The following ADAMTSL1 variants were observed in gnomAD, a reference collection of about 807,000 sequenced individuals.
ADAMTSL1 encodes the protein ADAMTS-like protein 1.
A neutral mutation model predicts 201.8 loss-of-function variants in ADAMTSL1; 126 were observed. The observed-to-expected ratio is 0.62, with a 90% CI of 0.54 to 0.72. The LOEUF (loss-of-function observed/expected upper bound fraction) is 0.72, where lower values mean the gene tolerates loss of function less well. Among genes scored for constraint, ADAMTSL1 ranks in the 30% least tolerant of loss-of-function variants. The pLI is 0.00. For missense variants in ADAMTSL1, 2,679 were observed against 2,277.8 expected (o/e 1.18, Z -3.59); for synonymous variants, 1,121 against 903.4 (o/e 1.24, Z -4.32).
At chr9:18,085,711 G>C (rs943893668) in intron 1 of ADAMTSL1, among the ~76,000 whole-genome samples, 5 of 150,396 alleles carry the variant, frequency 3.3e-5, no homozygotes, top group African/African-American at 1.2e-4. Flanking sequence ...TATATATACT[G>C]TGTGTGTATA....
intron 1 of ADAMTSL1, among the ~76,000 whole-genome samples, chr9:18,104,481 G>T (rs1041753334): frequency 1.3e-5 from 2 of 152,154 alleles, no homozygotes; most frequent in African/African-American, 4.8e-5. Flanking sequence ...GTCACCACCA[G>T]TGCTGCCCAT....
intron 1 of ADAMTSL1, among the ~76,000 whole-genome samples, chr9:18,160,889 A>G (rs1283770625): frequency 7.5e-6 from 1 of 133,658 alleles, no homozygotes; most frequent in African/African-American, 2.8e-5. Context: ...ATGTCTCACT[A>G]TTTGCCCAGG....
chr9:18,788,225 A>G (rs1268044850), intron 19 of ADAMTSL1, among the ~76,000 whole-genome samples: 1 of 152,196 alleles, frequency 6.6e-6, no homozygotes, highest in Non-Finnish European at 1.5e-5. Context: ...CCTCTGGGCT[A>G]CTGTAATTTT....
At chr9:17,950,624 G>T (rs148804971) in intron 1 of ADAMTSL1, among the ~76,000 whole-genome samples, 19 of 151,944 alleles carry the variant, frequency 1.3e-4, no homozygotes, top group African/African-American at 3.4e-4. Flanking sequence ...ATACATAAGA[G>T]AACTGGTTCA....
chr9:18,275,529 T>C (rs1832551968), intron 2 of ADAMTSL1, among the ~76,000 whole-genome samples: 1 of 152,150 alleles, frequency 6.6e-6, no homozygotes, highest in South Asian at 2.1e-4. Context: ...AATCTCACCT[T>C]AGCCCTAGGC....
At chr9:18,073,354 T>C (rs2131740461) in intron 1 of ADAMTSL1, among the ~76,000 whole-genome samples, 1 of 152,324 alleles carries the variant, frequency 6.6e-6, no homozygotes, top group South Asian at 2.1e-4. Flanking sequence ...GCTTTCTACT[T>C]GATCGCATGG....
At chr9:18,153,404 A>G (rs1321415579) in intron 1 of ADAMTSL1, among the ~76,000 whole-genome samples, 1 of 152,080 alleles carries the variant, frequency 6.6e-6, no homozygotes, top group Non-Finnish European at 1.5e-5. Flanking sequence ...AAAATTAATA[A>G]CTGATTTTTT....
At chr9:18,549,031 A>G (rs1317302065) in intron 3 of ADAMTSL1, among the ~76,000 whole-genome samples, 1 of 151,960 alleles carries the variant, frequency 6.6e-6, no homozygotes, top group African/African-American at 2.4e-5. Flanking sequence ...TCCAATATAC[A>G]TCAAATAGGA....
rs1563807518 is a variant in ADAMTSL1, at chr9:18,795,293, G to T, written c.3678-104G>T. ...TGGTTTGTCTCTGTTGTTAAAACAG[G>T]GTTCTGCATACACCCTGAGGTTCCT... On this transcript the variant is annotated intron_variant, in intron 19 of 28. Transcript: ENST00000380548. 4 of 1,445,490 alleles carry T rather than the reference G, an allele frequency of 2.8e-6. No individual in the cohort carries two copies. In the Admixed American group the frequency reaches 8.7e-5, roughly 31 times the overall value. The allele number at this position is 1,445,490 out of a possible 1,614,324, so 89.5% of individuals were successfully genotyped here.
chr9:17,954,399 C>T (rs1345658760), intron 1 of ADAMTSL1, among the ~76,000 whole-genome samples: 2 of 152,126 alleles, frequency 1.3e-5, no homozygotes, highest in Non-Finnish European at 2.9e-5. Flanking sequence ...TTTCAGCCAT[C>T]GTTAATCTGA....
At chr9:18,736,433 A>G (rs1303320750) in intron 15 of ADAMTSL1, among the ~76,000 whole-genome samples, 1 of 152,330 alleles carries the variant, frequency 6.6e-6, no homozygotes, top group African/African-American at 2.4e-5. Flanking sequence ...GTGAAAATGG[A>G]TAGTGTCAGG....
intron 2 of ADAMTSL1, among the ~76,000 whole-genome samples, chr9:18,368,481 A>G (rs1394571206): frequency 1.3e-5 from 2 of 152,138 alleles, no homozygotes; most frequent in African/African-American, 2.4e-5. Flanking sequence ...TGCATATTTT[A>G]TTTAGACAGA....
intron 1 of ADAMTSL1, among the ~76,000 whole-genome samples, chr9:17,921,862 A>G (rs1563896511): frequency 1.3e-5 from 2 of 152,040 alleles, no homozygotes; most frequent in African/African-American, 4.8e-5. Context: ...TTGTTTTTTA[A>G]TTTTTCAGTA....
chr9:17,993,218 C>T (rs1280774211), intron 1 of ADAMTSL1, among the ~76,000 whole-genome samples: 2 of 152,042 alleles, frequency 1.3e-5, no homozygotes, highest in Admixed American at 1.3e-4. Flanking sequence ...TGAAATCATG[C>T]AGAAGGGTGT....
chr9:18,308,968 A>C (rs149403633), intron 2 of ADAMTSL1, among the ~76,000 whole-genome samples: 2 of 152,292 alleles, frequency 1.3e-5, no homozygotes, highest in Non-Finnish European at 2.9e-5. Context: ...CTAGCAGCAC[A>C]TCAAAAAGCT....
At chr9:18,254,361 T>G (rs1587404424) in intron 2 of ADAMTSL1, among the ~76,000 whole-genome samples, 1 of 109,014 alleles carries the variant, frequency 9.2e-6, no homozygotes, top group Non-Finnish European at 1.9e-5. Context: ...TTTTTTTTTT[T>G]TTTTTTTTTT....
chr9:18,035,419 C>T (rs897002203), intron 1 of ADAMTSL1, among the ~76,000 whole-genome samples: 16 of 152,050 alleles, frequency 1.1e-4, no homozygotes, highest in Non-Finnish European at 1.8e-4. Context: ...GTAGGGATTG[C>T]GATGGTGAGG....
At chr9:18,319,949 T>A (rs1038206605) in intron 2 of ADAMTSL1, among the ~76,000 whole-genome samples, 1 of 152,002 alleles carries the variant, frequency 6.6e-6, no homozygotes, top group African/African-American at 2.4e-5. Context: ...CAAAAGAGAT[T>A]TGAAGTGTGA....
At chr9:18,451,149 G>A (rs752728806) in intron 2 of ADAMTSL1, among the ~76,000 whole-genome samples, 15 of 152,224 alleles carry the variant, frequency 9.9e-5, no homozygotes, top group Middle Eastern at 3.4e-3. Context: ...TTCTCCTGCC[G>A]TTCAGTTCAA....
Sources: gnomAD v4.1 joint callset for allele counts (sites outside exome capture counted in the v4.1 genomes callset) on GRCh38, gnomAD v4.1.1 for gene constraint, MANE v1.5 for transcripts, NCBI Gene and HGNC (gene_info 2026-07-23, HGNC 2026-07-21) for gene names.